Variants in CTCF observed in about 807,000 individuals in gnomAD.
CTCF encodes transcriptional repressor CTCF.
CTCF carries 7 observed loss-of-function variants against 72.3 expected under a neutral mutation model. That is an observed-to-expected ratio of 0.10 (90% CI 0.06 to 0.18). The LOEUF (loss-of-function observed/expected upper bound fraction) is 0.18, where lower values mean the gene tolerates loss of function less well. Ranked by LOEUF, CTCF falls within the 10% of genes least tolerant of loss-of-function variation. The pLI is 1.00. For synonymous variants in CTCF, 374 were observed against 315.8 expected (o/e 1.18, Z -1.95); for missense variants, 516 against 949.1 (o/e 0.54, Z 6.00).
chr16:67,587,687 G>A (rs1014114153), intron 2 of CTCF, among the ~76,000 whole-genome samples: 1 of 152,080 alleles, frequency 6.6e-6, no homozygotes, highest in Non-Finnish European at 1.5e-5. Context: ...ACTTAGGGAA[G>A]CAGAGGCAGG....
intron 3 of CTCF, 72 bp downstream of exon 3, chr16:67,611,685 A>G (rs991503970): frequency 7.2e-7 from 1 of 1,387,736 alleles, no homozygotes; most frequent in South Asian, 1.3e-5. Flanking sequence ...TGCATATGCA[A>G]GTTGTTTTAT....
chr16:67,626,608 T>C lies in CTCF; in HGVS notation c.1411T>C (p.Tyr471His). 1 of 1,568,702 alleles carries C rather than the reference T, an allele frequency of 6.4e-7. No individual in the cohort carries two copies. The highest frequency in any genetic ancestry group is 1.9e-5 in the Admixed American group (1 of 51,740). ...SYIEQGKKCR[Y>H]CDAVFHERYA... Reference sequence around the variant, plus strand: ...TATTGAGCAAGGCAAGAAATGCCGTTACTGTGATGCTGTGTTTCATGAGCG... The same window carrying C: ...TATTGAGCAAGGCAAGAAATGCCGTCACTGTGATGCTGTGTTTCATGAGCG... The change falls in exon 8 of 12, where the codon TAC (tyrosine) becomes CAC (histidine). Residue 471 changes from tyrosine to histidine, a missense_variant. Tyr to His is a moderately conservative substitution (Grantham distance 83). Around this residue, in one of 7 missense-constraint regions of CTCF, gnomAD observed 81 missense variants for 184.3 expected, o/e 0.44. Transcript: ENST00000264010.
At chr16:67,566,119 G>GC (rs1485899787) in intron 1 of CTCF, among the ~76,000 whole-genome samples, 1 of 152,038 alleles carries the variant, frequency 6.6e-6, no homozygotes, top group Non-Finnish European at 1.5e-5. Flanking sequence ...CAAAAATTAG[G>GC]CCCCTCTTCA....
chr16:67,576,278 A>G (rs1454038139), intron 2 of CTCF, among the ~76,000 whole-genome samples: 2 of 152,070 alleles, frequency 1.3e-5, no homozygotes, highest in Non-Finnish European at 1.5e-5. Flanking sequence ...AACCTGGCGT[A>G]TAGCAGAAGC....
At chr16:67,633,993 A>G (rs1181481034) in intron 10 of CTCF, among the ~76,000 whole-genome samples, 3 of 152,128 alleles carry the variant, frequency 2.0e-5, no homozygotes, top group Non-Finnish European at 2.9e-5. Context: ...TAAAAGGAAA[A>G]AGTAATAGCC....
chr16:67,562,896 T>G (rs2051294471), intron 1 of CTCF, among the ~76,000 whole-genome samples, 172 bp downstream of exon 1: 2 of 142,632 alleles, frequency 1.4e-5, no homozygotes, highest in Admixed American at 6.8e-5. Context: ...GTCGCCGCCG[T>G]GGCCCGGCCG....
intron 2 of CTCF, among the ~76,000 whole-genome samples, chr16:67,588,755 C>T (rs772809640): frequency 2.0e-5 from 3 of 152,128 alleles, no homozygotes; most frequent in Non-Finnish European, 4.4e-5. Context: ...GGCGTGAACT[C>T]AGCTCACTGC....
chr16:67,575,692 C>T (rs1393451872), intron 2 of CTCF, among the ~76,000 whole-genome samples: 94 of 152,134 alleles, frequency 6.2e-4, no homozygotes, highest in African/African-American at 2.3e-3. Flanking sequence ...ATCCGCCCAC[C>T]TTGGCCTCCC....
In CTCF at chr16:67,628,338, G is replaced by A. The variant is rs749455626; in HGVS notation, c.1519-32G>A. On this transcript the variant is annotated intron_variant, in intron 8 of 11. Coordinates refer to ENST00000264010, the MANE Select transcript of CTCF (RefSeq NM_006565.4). ...GCTGGGGCAGTAGCCCCATGAGCAG[G>A]CTCTGAGGCCTTTCCCCCTATGCCG... 4.4e-6 allele frequency: 7 copies of A among 1,600,178 alleles called. No individual in the cohort carries two copies. In the South Asian group the frequency reaches 4.4e-5, roughly 10 times the overall value.
At chr16:67,603,857 G>A (rs952773417) in intron 2 of CTCF, among the ~76,000 whole-genome samples, 5 of 150,648 alleles carry the variant, frequency 3.3e-5, no homozygotes, top group East Asian at 2.0e-4. Context: ...GGCCAGGCAC[G>A]GTGGTTTATG....
At chr16:67,615,708 A>C (rs896357696) in intron 4 of CTCF, 1 of 152,226 alleles carries the variant, frequency 6.6e-6, no homozygotes, top group African/African-American at 2.4e-5. Flanking sequence ...ACACTTTCAC[A>C]GGAAGAACTC....
chr16:67,632,935 A>G (rs2052384069), intron 10 of CTCF, among the ~76,000 whole-genome samples: 2 of 152,212 alleles, frequency 1.3e-5, no homozygotes, highest in South Asian at 4.1e-4. Context: ...GAAGGCAGGC[A>G]GTGTACATTT....
At chr16:67,572,406 T>A (rs2051435248) in intron 2 of CTCF, 1 of 152,196 alleles carries the variant, frequency 6.6e-6, no homozygotes, top group Non-Finnish European at 1.5e-5. Flanking sequence ...TAGGAACACG[T>A]TAATCACTTT....
chr16:67,604,151 G>GA (rs1472705119), intron 2 of CTCF, among the ~76,000 whole-genome samples: 6 of 147,778 alleles, frequency 4.1e-5, no homozygotes, highest in Non-Finnish European at 6.0e-5. Flanking sequence ...AAAAAGAAAA[G>GA]AAAAGAAAAT....
At chr16:67,581,583 A>G (rs2051583194) in intron 2 of CTCF, among the ~76,000 whole-genome samples, 1 of 151,898 alleles carries the variant, frequency 6.6e-6, no homozygotes, top group Non-Finnish European at 1.5e-5. Flanking sequence ...GGCTCGCTAC[A>G]ACCTCCGCCT....
At chr16:67,564,893 A>G (rs2051322209) in intron 1 of CTCF, among the ~76,000 whole-genome samples, 1 of 152,132 alleles carries the variant, frequency 6.6e-6, no homozygotes, top group African/African-American at 2.4e-5. Context: ...CACAGTTGCT[A>G]TCCTTTGAAA....
intron 1 of CTCF, chr16:67,564,035 T>C (rs1258726809): frequency 2.0e-5 from 3 of 152,242 alleles, no homozygotes; most frequent in African/African-American, 7.2e-5. Context: ...GGAGACTTCC[T>C]GTAGCCCCGA....
intron 2 of CTCF, among the ~76,000 whole-genome samples, chr16:67,605,668 C>A (rs898114995): frequency 2.0e-5 from 3 of 152,168 alleles, no homozygotes; most frequent in Non-Finnish European, 2.9e-5. Context: ...GAAAATAGAT[C>A]GTTTTGAGAA....
At chr16:67,608,540 A>T (rs2052009770) in intron 2 of CTCF, among the ~76,000 whole-genome samples, 1 of 152,116 alleles carries the variant, frequency 6.6e-6, no homozygotes, top group African/African-American at 2.4e-5. Context: ...AGGGTGGGGA[A>T]AATGGGGAAT....
Sources: gnomAD v4.1 joint callset for allele counts (sites outside exome capture counted in the v4.1 genomes callset) on GRCh38, gnomAD v4.1.1 for gene constraint, gnomAD v4.1.1 regional missense constraint, MANE v1.5 for transcripts, NCBI Gene and HGNC (gene_info 2026-07-23, HGNC 2026-07-21) for gene names.